TREH: variants seen among roughly 807,000 people sequenced by gnomAD.
TREH encodes the protein trehalase, also known as alpha,alpha-trehalose glucohydrolase.
A neutral mutation model predicts 80.5 loss-of-function variants in TREH; 69 were observed. The observed-to-expected ratio is 0.86, with a 90% CI of 0.71 to 1.05. The LOEUF is 1.05. Among genes scored for constraint, TREH ranks in the 50% least tolerant of loss-of-function variants. The pLI, the probability that TREH is intolerant of heterozygous loss-of-function variation, is 0.00. For synonymous variants in TREH, 309 were observed against 293.5 expected (o/e 1.05, Z -0.54); for missense variants, 716 against 718.8 (o/e 1.00, Z 0.04).
chr11:118,662,034 G>T, intron 4 of TREH, 44 bp from the exon 5 acceptor site: 3 of 1,475,238 alleles, frequency 2.0e-6, no homozygotes, highest in Non-Finnish European at 2.8e-6. Flanking sequence ...AATCCCCACG[G>T]AAGCAGAGGC....
At chr11:118,672,241 C>CA (rs1397259925) in intron 1 of TREH, among the ~76,000 whole-genome samples, 3 of 151,240 alleles carry the variant, frequency 2.0e-5, no homozygotes, top group Admixed American at 6.6e-5. Flanking sequence ...CCAAAAAATA[C>CA]AAAAAAATTA....
Position 118,674,059 on chromosome 11 carries a change from C to G in TREH, c.89+5480G>C, listed in dbSNP as rs148273484. On this transcript the variant is annotated intron_variant, in intron 1 of 14. Coordinates refer to ENST00000264029, the MANE Select transcript of TREH (RefSeq NM_007180.3). This position sits in a 1 kb window ranked among gnomAD's most constrained non-coding sequence, Gnocchi z 4.4. ...AACTGCATTCCCCCAGGAGCTTGTT[C>G]CTGATCCAGCCATTTCCATTTCATT... Among the ~76,000 whole-genome samples the G allele has an allele frequency of 2.5e-3, 378 of 152,288 alleles. No individual in the cohort carries two copies. The highest frequency in any genetic ancestry group is 8.4e-3 in the African/African-American group (348 of 41,554).
intron 4 of TREH, among the ~76,000 whole-genome samples, chr11:118,662,499 C>G (rs1949335232): frequency 6.6e-6 from 1 of 152,216 alleles, no homozygotes; most frequent in Non-Finnish European, 1.5e-5. Context: ...AGGGCCTGGC[C>G]CCACGCAGCA....
At chr11:118,662,282 G>A (rs1167284124) in intron 4 of TREH, among the ~76,000 whole-genome samples, 2 of 129,364 alleles carry the variant, frequency 1.5e-5, no homozygotes, top group South Asian at 2.8e-4. Context: ...TGGCCATTAC[G>A]AAGACCCAGG....
chr11:118,664,350 G>A (rs1485933393), intron 1 of TREH, among the ~76,000 whole-genome samples: 1 of 152,204 alleles, frequency 6.6e-6, no homozygotes, highest in Admixed American at 6.5e-5. Flanking sequence ...TGTTTTCCTT[G>A]CAGTGATAGA....
Position 118,658,722 on chromosome 11 carries a change from G to A in TREH, c.1557C>T (p.Ser519=). The part of the protein sequence containing the change: ...KSAMYEKYDV[S]NGGQPGGGGE... ...CTCCCCCACCGGGCTGTCCACCGTT[G>A]CTGACGTCATACTGGGGACAAGCGG... Residue 519 remains serine (S), a synonymous_variant, in exon 14 of 15, where the codon AGC becomes AGT. Coordinates refer to ENST00000264029, the MANE Select transcript of TREH (RefSeq NM_007180.3). The A allele has an allele frequency of 6.2e-7, 1 of 1,606,038 alleles. No individual in the cohort carries two copies. The highest frequency in any genetic ancestry group is 8.5e-7 in the Non-Finnish European group (1 of 1,176,140).
At chr11:118,662,636 C>A (rs946478558) in intron 4 of TREH, 9 of 518,060 alleles carry the variant, frequency 1.7e-5, no homozygotes, top group Middle Eastern at 4.9e-4. Flanking sequence ...GGTGGCAGGG[C>A]AGGCTAGGGT....
In TREH at chr11:118,659,449, G is replaced by A. The variant is rs781854435; in HGVS notation, c.1353C>T (p.Ile451=). ...DNRILTYQYG[I]PTSLQKTGQQ... ...GGCCTGTCTTCTGGAGAGAGGTCGG[G>A]ATCCCATACTGGTAAGTCAGGATCC... is the stretch of plus-strand genomic sequence containing the variant. The change falls in exon 12 of 15, where the codon ATC becomes ATT. Residue 451 remains isoleucine, a synonymous_variant. Transcript: ENST00000264029. 3 of 1,606,170 alleles carry A rather than the reference G, an allele frequency of 1.9e-6. No homozygotes were observed. The East Asian group carries it at 6.7e-5, about 36-fold the overall frequency.
chr11:118,676,753 A>T (rs1949483563), intron 1 of TREH, among the ~76,000 whole-genome samples: 1 of 146,348 alleles, frequency 6.8e-6, no homozygotes, highest in Non-Finnish European at 1.5e-5. Flanking sequence ...TGGGCAACAG[A>T]GCTAGATTGC....
Position 118,659,590 on chromosome 11 carries a change from T to C in TREH, c.1321-109A>G, listed in dbSNP as rs1447636147. ...GACGTCCCCTTCCTGGCTCTTCTTT[T>C]CTCGGCTCACAGCTGCCCCCCGGTG... On this transcript the variant is annotated intron_variant, in intron 11 of 14. Transcript: ENST00000264029. 3 of 1,359,546 alleles carry C rather than the reference T, an allele frequency of 2.2e-6. No individual in the cohort carries two copies. In the African/African-American group the frequency reaches 4.4e-5, roughly 20 times the overall value. The allele number at this position is 1,359,546 out of a possible 1,614,324, so 84.2% of individuals were successfully genotyped here. A position where few individuals can be genotyped will look rare whatever the true frequency, so the allele number is the denominator to read the frequency against.
At chr11:118,678,234 T>C (rs671133) in intron 1 of TREH, among the ~76,000 whole-genome samples, 5 of 152,162 alleles carry the variant, frequency 3.3e-5, no homozygotes, top group African/African-American at 9.7e-5. Context: ...CAATTCTGCT[T>C]ACACATCACC....
At position 118,661,790 on chromosome 11, in the gene TREH, G is replaced by T; in HGVS notation, c.525-61C>A. 2 of 1,606,640 alleles carry T rather than the reference G, an allele frequency of 1.2e-6. No individual in the cohort carries two copies. The highest frequency in any genetic ancestry group is 1.7e-6 in the Non-Finnish European group (2 of 1,173,970). On this transcript the variant is annotated intron_variant, in intron 5 of 14. Coordinates refer to ENST00000264029, the MANE Select transcript of TREH (RefSeq NM_007180.3). This position sits in a 1 kb window ranked among gnomAD's most constrained non-coding sequence, Gnocchi z 4.2. ...CTCCCTCTGCCCTGCACACCAGCCA[G>T]TGGGGCACTCTGCCCTGCTGAAGAC...
At chr11:118,665,992 C>A (rs1247319379) in intron 1 of TREH, among the ~76,000 whole-genome samples, 1 of 152,212 alleles carries the variant, frequency 6.6e-6, no homozygotes, top group East Asian at 1.9e-4. Flanking sequence ...AATCCCAGCA[C>A]TTTGGAAGGC....
intron 1 of TREH, among the ~76,000 whole-genome samples, chr11:118,677,386 A>G (rs1181933842): frequency 1.3e-5 from 2 of 152,220 alleles, no homozygotes; most frequent in Non-Finnish European, 2.9e-5. Context: ...TGGCCCTAGA[A>G]TATTTCACCT....
intron 4 of TREH, 188 bp downstream of exon 4, chr11:118,662,690 TAGA>T: frequency 1.6e-6 from 1 of 628,252 alleles, no homozygotes; most frequent in Admixed American, 3.0e-5. Context: ...GGCGAGATGT[TAGA>T]AGTAGATGCT....
chr11:118,662,863 G>T lies in TREH; in HGVS notation c.423+18C>A. Reference sequence around the variant, plus strand: ...AGTTCCCTTGGTCAGGCCTTGGGCAGGCCCAGGACGCTGATACCTTCTTCC... The same window carrying T: ...AGTTCCCTTGGTCAGGCCTTGGGCATGCCCAGGACGCTGATACCTTCTTCC... On this transcript the variant is annotated intron_variant, in intron 4 of 14. Coordinates refer to ENST00000264029, the MANE Select transcript of TREH (RefSeq NM_007180.3). The T allele has an allele frequency of 6.4e-7, 1 of 1,562,452 alleles. No homozygotes were observed.
At position 118,661,045 on chromosome 11, in the gene TREH, G is replaced by GT; in HGVS notation, c.857+114dup. 1.3e-6 allele frequency: 2 copies of GT among 1,567,526 alleles called. No individual in the cohort carries two copies. Among genetic ancestry groups the GT allele is most frequent in the Non-Finnish European group, 1.7e-6 (2 of 1,152,694 alleles). On this transcript the variant is annotated intron_variant, in intron 8 of 14. Transcript: ENST00000264029. The surrounding 1 kb of genome is among the most constrained non-coding windows in gnomAD (Gnocchi z 4.2). ...AGCCCAGGATTGCAGAGGGCTCTCG[G>GT]TGTCACCATCTGAGAGGCCAGGCTA...
chr11:118,658,684 A>G lies in TREH; in HGVS notation c.1595T>C (p.Val532Ala). ...GQPGGGGEYE[V>A]QEGFGWTNGV... ...GCCCACCCCTGGCCTGCTCACCTGA[A>G]CTTCATATTCTCCTCCCCCACCGGG... Residue 532 changes from valine (V) to alanine (A), a missense_variant, in exon 14 of 15, where the codon GTT becomes GCT. Val to Ala is a moderately conservative substitution (Grantham distance 64, BLOSUM62 0). Coordinates refer to ENST00000264029, the MANE Select transcript of TREH (RefSeq NM_007180.3). The G allele has an allele frequency of 3.8e-6, 6 of 1,593,906 alleles. No individual in the cohort carries two copies. The highest frequency in any genetic ancestry group is 5.1e-6 in the Non-Finnish European group (6 of 1,170,062).
At chr11:118,667,724 T>TAAAAAAAA (rs1460878253) in intron 1 of TREH, among the ~76,000 whole-genome samples, 6 of 152,180 alleles carry the variant, frequency 3.9e-5, no homozygotes, top group Non-Finnish European at 8.8e-5. Context: ...AGGCCTTTAA[T>TAAAAAAAA]ACAAAATGGC....
Sources: allele counts gnomAD v4.1 joint callset (sites outside exome capture counted in the v4.1 genomes callset), GRCh38; gene constraint gnomAD v4.1.1; non-coding constraint Gnocchi (gnomAD v3.1); transcripts MANE v1.5; gene names NCBI Gene and HGNC (gene_info 2026-07-23, HGNC 2026-07-21).